The following GALNTL6 variants were observed in gnomAD, a reference collection of about 807,000 sequenced individuals.
The protein encoded by GALNTL6 is polypeptide N-acetylgalactosaminyltransferase like 6.
GALNTL6 carries 46 observed loss-of-function variants against 73.7 expected under a neutral mutation model. The ratio of observed to expected loss-of-function variants is 0.62; its 90% CI spans 0.49 to 0.80. The LOEUF is 0.80. Ranked by LOEUF, GALNTL6 falls within the 30% of genes least tolerant of loss-of-function variation. The pLI, the probability that GALNTL6 is intolerant of heterozygous loss-of-function variation, is 0.00. For missense variants in GALNTL6, 604 were observed against 755.0 expected (o/e 0.80, Z 2.34); for synonymous variants, 259 against 263.7 (o/e 0.98, Z 0.17).
chr4:172,400,226 C>G (rs1250893058), intron 5 of GALNTL6, among the ~76,000 whole-genome samples: 2 of 152,080 alleles, frequency 1.3e-5, no homozygotes, highest in Non-Finnish European at 2.9e-5. Context: ...TTAGTAAGTG[C>G]TAGATAAAGC....
intron 3 of GALNTL6, among the ~76,000 whole-genome samples, chr4:172,260,984 A>G (rs1293926963): frequency 6.6e-6 from 1 of 151,408 alleles, no homozygotes; most frequent in Non-Finnish European, 1.5e-5. Context: ...TCTTTTTGAT[A>G]TGCTATTGGA....
chr4:172,175,085 T>A (rs1364292034), intron 2 of GALNTL6, among the ~76,000 whole-genome samples: 1 of 151,866 alleles, frequency 6.6e-6, no homozygotes, highest in Non-Finnish European at 1.5e-5. Context: ...AAGAATTTTT[T>A]TTTTTTTTTG....
At chr4:172,437,677 A>T (rs762530047) in intron 5 of GALNTL6, among the ~76,000 whole-genome samples, 19 of 152,108 alleles carry the variant, frequency 1.2e-4, no homozygotes, top group Non-Finnish European at 2.5e-4. Context: ...ATGTTGAAAC[A>T]TAAGGTCTTA....
At chr4:172,918,245 G>C (rs939875397) in intron 8 of GALNTL6, among the ~76,000 whole-genome samples, 1 of 152,018 alleles carries the variant, frequency 6.6e-6, no homozygotes, top group African/African-American at 2.4e-5. Context: ...GTTGTGGGGT[G>C]GGGGGAGGCA....
chr4:172,048,920 T>C (rs1336818728), intron 2 of GALNTL6, among the ~76,000 whole-genome samples: 1 of 152,066 alleles, frequency 6.6e-6, no homozygotes, highest in African/African-American at 2.4e-5. Context: ...CATACTTTAG[T>C]TTGAAAGAGC....
intron 5 of GALNTL6, among the ~76,000 whole-genome samples, chr4:172,657,837 A>G (rs1351110054): frequency 6.6e-6 from 1 of 152,178 alleles, no homozygotes; most frequent in Non-Finnish European, 1.5e-5. Flanking sequence ...TAACCAGTCA[A>G]CGGTCGGCAC....
In GALNTL6 at chr4:172,012,186, T is replaced by C. The variant is rs1281328693; in HGVS notation, c.138+197468T>C. On this transcript the variant is annotated intron_variant, in intron 2 of 12. Coordinates refer to ENST00000506823, the MANE Select transcript of GALNTL6 (RefSeq NM_001034845.3). The stretch of plus-strand genomic sequence containing the variant: ...AAAGCCCACCGTAGGGACTTGCTCC[T>C]TTGTCTTCTCCTGCAGGCACAAGAT... 2.0e-5 allele frequency among the ~76,000 whole-genome samples: 3 copies of C among 152,090 alleles called. No homozygotes were observed. The East Asian group carries it at 5.8e-4, about 29-fold the overall frequency.
At chr4:172,187,693 G>A (rs1454348908) in intron 2 of GALNTL6, among the ~76,000 whole-genome samples, 8 of 151,988 alleles carry the variant, frequency 5.3e-5, no homozygotes, top group African/African-American at 1.7e-4. Flanking sequence ...CATTCACTAA[G>A]GATAATGGAT....
intron 5 of GALNTL6, among the ~76,000 whole-genome samples, chr4:172,412,157 C>T (rs1393020211): frequency 6.6e-6 from 1 of 152,088 alleles, no homozygotes; most frequent in African/African-American, 2.4e-5. Context: ...GATCCTCCTG[C>T]CTCAGCCTCC....
In GALNTL6 at chr4:172,587,332, A is replaced by G. The variant is rs185573682; in HGVS notation, c.554-222029A>G. On this transcript the variant is annotated intron_variant, in intron 5 of 12. Transcript: ENST00000506823. ...CTTGATTGCTATTACTGAAAGCCAC[A>G]TTATTCCCCACCCATTAGATAATCT... Among the ~76,000 whole-genome samples, 107 of 152,314 alleles carry G rather than the reference A, an allele frequency of 7.0e-4. 2 individuals are homozygous for G. Among genetic ancestry groups the G allele is most frequent in the Admixed American group, 7.0e-3 (107 of 15,300 alleles).
chr4:172,152,762 C>T (rs906554885), intron 2 of GALNTL6, among the ~76,000 whole-genome samples: 3 of 152,146 alleles, frequency 2.0e-5, no homozygotes, highest in Admixed American at 6.5e-5. Context: ...GCACCCACCA[C>T]GACGACAAGC....
chr4:172,504,060 G>A lies in GALNTL6; in HGVS notation c.553+155371G>A, dbSNP rs1480891777. Among the ~76,000 whole-genome samples, 3 of 4,736 alleles carry A rather than the reference G, an allele frequency of 6.3e-4. 1 individual carries two copies. The Non-Finnish European group carries it at 8.6e-3, about 14-fold the overall frequency. 3.1% of individuals were successfully genotyped at this position (4,736 alleles called of 152,430 possible). On this transcript the variant is annotated intron_variant, in intron 5 of 12. Coordinates refer to ENST00000506823, the MANE Select transcript of GALNTL6 (RefSeq NM_001034845.3). ...CCAGCTACTTGGGAGGCTGAGGCAG[G>A]AGAAGCTCTTGAACTCTAGGACTCT...
At chr4:172,791,964 C>T (rs1368883390) in intron 5 of GALNTL6, among the ~76,000 whole-genome samples, 1 of 152,180 alleles carries the variant, frequency 6.6e-6, no homozygotes, top group Non-Finnish European at 1.5e-5. Flanking sequence ...ATAACAAGCT[C>T]CTAAGCCCTC....
At chr4:172,769,301 GA>G (rs1018976267) in intron 5 of GALNTL6, among the ~76,000 whole-genome samples, 24 of 152,132 alleles carry the variant, frequency 1.6e-4, no homozygotes, top group African/African-American at 5.3e-4. Context: ...GATATTTTAG[GA>G]AAAAAATTAA....
chr4:173,023,971 T>C (rs1443647787), intron 12 of GALNTL6, among the ~76,000 whole-genome samples: 1 of 152,210 alleles, frequency 6.6e-6, no homozygotes, highest in Non-Finnish European at 1.5e-5. Context: ...TTGCTTAGTA[T>C]GTTAGTGGTT....
chr4:172,246,278 T>C (rs1447900008), intron 3 of GALNTL6, among the ~76,000 whole-genome samples: 1 of 152,130 alleles, frequency 6.6e-6, no homozygotes, highest in African/African-American at 2.4e-5. Flanking sequence ...CTAGAATGAC[T>C]AGATTAATTT....
chr4:172,698,478 G>A (rs1733824141), intron 5 of GALNTL6, among the ~76,000 whole-genome samples: 1 of 152,072 alleles, frequency 6.6e-6, no homozygotes. Context: ...GCTTCCTCTT[G>A]TGGGCTTTGC....
At chr4:172,918,794 G>A (rs1747656455) in intron 8 of GALNTL6, among the ~76,000 whole-genome samples, 1 of 152,128 alleles carries the variant, frequency 6.6e-6, no homozygotes, top group African/African-American at 2.4e-5. Flanking sequence ...CCAACTTTAT[G>A]GAAGATGACC....
At chr4:171,992,053 C>T (rs540252469) in intron 2 of GALNTL6, among the ~76,000 whole-genome samples, 5 of 151,870 alleles carry the variant, frequency 3.3e-5, no homozygotes, top group African/African-American at 1.2e-4. Flanking sequence ...TTCCTTACAG[C>T]TTTTTGAATC....
Sources: allele counts gnomAD v4.1 joint callset (sites outside exome capture counted in the v4.1 genomes callset), GRCh38; gene constraint gnomAD v4.1.1; transcripts MANE v1.5; gene names NCBI Gene and HGNC (gene_info 2026-07-23, HGNC 2026-07-21).